FADS2: variants seen among roughly 807,000 people sequenced by gnomAD.
The protein encoded by FADS2 is fatty acid desaturase 2.
In FADS2, 18 loss-of-function variants were observed where a neutral mutation model predicts 61.2. That is an observed-to-expected ratio of 0.29 (90% CI 0.20 to 0.44). The LOEUF (loss-of-function observed/expected upper bound fraction) is 0.44. FADS2 is among the 20% of genes least tolerant of loss of function. The pLI is 1.00. For synonymous variants in FADS2, 203 were observed against 223.9 expected (o/e 0.91, Z 0.83); for missense variants, 322 against 572.7 (o/e 0.56, Z 4.47).
upstream of FADS2, among the ~76,000 whole-genome samples, chr11:61,825,305 G>A (rs913402749): frequency 3.3e-5 from 5 of 151,552 alleles, no homozygotes; most frequent in African/African-American, 4.9e-5. Flanking sequence ...CAACTAATGC[G>A]GTCTTGATTC....
intron 4 of FADS2, among the ~76,000 whole-genome samples, chr11:61,844,693 A>G (rs2067242735): frequency 6.6e-6 from 1 of 152,124 alleles, no homozygotes; most frequent in African/African-American, 2.4e-5. Flanking sequence ...TGGGAGGTTG[A>G]GGAGGGCAGA....
chr11:61,850,115 C>T (rs371210004), intron 5 of FADS2, among the ~76,000 whole-genome samples: 2 of 152,194 alleles, frequency 1.3e-5, no homozygotes, highest in African/African-American at 2.4e-5. Flanking sequence ...CCCTTCCCCC[C>T]CAGTTCATGT....
At chr11:61,862,943 G>A in intron 7 of FADS2, 29 bp from the exon 8 acceptor site, 1 of 1,591,210 alleles carries the variant, frequency 6.3e-7, no homozygotes, top group Non-Finnish European at 8.6e-7. Flanking sequence ...GAGAGGGCAG[G>A]TTGCACCTAA....
rs565973175 is a variant in FADS2, at chr11:61,843,729, A to G, written c.618+3004A>G. ...GCTGGAGTGCAATGGCGTGATCTCA[A>G]CTCACTGAAACCTCCGTCTCCCGGG... On this transcript the variant is annotated intron_variant, in intron 4 of 11. Transcript: ENST00000278840. Among the ~76,000 whole-genome samples the G allele has an allele frequency of 3.3e-5, 5 of 152,110 alleles. No individual in the cohort carries two copies. The East Asian group carries it at 7.7e-4, about 24-fold the overall frequency.
chr11:61,862,940 C>T, intron 7 of FADS2, 32 bp from the exon 8 acceptor site: 1 of 1,566,478 alleles, frequency 6.4e-7, no homozygotes, highest in Non-Finnish European at 8.8e-7. Context: ...GAGGAGAGGG[C>T]AGGTTGCACC....
chr11:61,822,576 G>T lies in FADS2; in HGVS notation c.141+6150G>T, dbSNP rs116605555. Among the ~76,000 whole-genome samples, 612 of 152,296 alleles carry T rather than the reference G, an allele frequency of 4.0e-3. 5 individuals carry two copies. Among genetic ancestry groups the T allele is most frequent in the African/African-American group, 0.014 (576 of 41,552 alleles). ...CCCTCAGACCTGCCTCTATTAAGTG[G>T]GAGAAGGGAGGCCTGGGTAGGTAGG... On this transcript the variant is annotated intron_variant, in intron 1 of 11. Coordinates refer to the FADS2 transcript ENST00000257261.
At position 61,837,858 on chromosome 11, in the gene FADS2, G is replaced by A. The variant is rs181147340; in HGVS notation, c.288G>A (p.Pro96=). The part of the protein sequence containing the change: ...LKPLLIGELA[P]EEPSQDHGKN... ...CCCTGCTGATTGGTGAACTGGCCCC[G>A]GAGGAGCCCAGCCAGGACCACGGCA... is the stretch of plus-strand genomic sequence containing the variant. Residue 96 remains proline, a synonymous_variant, in exon 2 of 12, where the codon CCG becomes CCA. Coordinates refer to ENST00000278840, the MANE Select transcript of FADS2 (RefSeq NM_004265.4). The A allele has an allele frequency of 1.7e-5, 27 of 1,613,720 alleles. No individual in the cohort carries two copies. The East Asian group carries it at 2.0e-4, about 12-fold the overall frequency.
At position 61,821,121 on chromosome 11, in the gene FADS2, C is replaced by G. The variant is rs1039109747; in HGVS notation, c.141+4695C>G. Among the ~76,000 whole-genome samples the G allele has an allele frequency of 2.6e-5, 4 of 152,190 alleles. No homozygotes were observed. The South Asian group carries it at 8.3e-4, about 32-fold the overall frequency. ...CCCTGTTGATCCTAAGGGAACTTGC[C>G]TCATCCTGGATATGAATCACATACT... On this transcript the variant is annotated intron_variant, in intron 1 of 11. Transcript: ENST00000257261.
chr11:61,855,696 A>G (rs2067350911), intron 5 of FADS2: 1 of 152,246 alleles, frequency 6.6e-6, no homozygotes, highest in Non-Finnish European at 1.5e-5. Context: ...CCTGGTTCCC[A>G]CCCACAGCCT....
rs2067463258 is a variant in FADS2, at chr11:61,865,770, G to T, written c.*81G>T. 1.6e-6 allele frequency: 2 copies of T among 1,260,654 alleles called. No individual in the cohort carries two copies. The highest frequency in any genetic ancestry group is 2.3e-6 in the Non-Finnish European group (2 of 879,888). The allele number at this position is 1,260,654 out of a possible 1,614,324, so 78.1% of individuals were successfully genotyped here. On this transcript the variant is annotated 3_prime_UTR_variant, in exon 12 of 12. Coordinates refer to ENST00000278840, the MANE Select transcript of FADS2 (RefSeq NM_004265.4). This position sits in a 1 kb window ranked among gnomAD's most constrained non-coding sequence, Gnocchi z 4.1. Reference sequence around the variant, plus strand: ...GGAATGATGGGCTTTTGTTCTGAGGGGTGTCCGAGAGGCTGGTGTATGCAC... The same window carrying T: ...GGAATGATGGGCTTTTGTTCTGAGGTGTGTCCGAGAGGCTGGTGTATGCAC...
At chr11:61,826,879 G>T (rs915919615), upstream of FADS2, among the ~76,000 whole-genome samples, 1 of 152,058 alleles carries the variant, frequency 6.6e-6, no homozygotes, top group Admixed American at 6.6e-5. Flanking sequence ...GGGCCCGTTT[G>T]ACCATCTCTC....
intron 7 of FADS2, among the ~76,000 whole-genome samples, chr11:61,858,585 T>G (rs779690726): frequency 2.6e-5 from 4 of 151,610 alleles, no homozygotes; most frequent in Non-Finnish European, 5.9e-5. Context: ...CCATTGTAAT[T>G]ACGTCATCTT....
rs1294820167 is a variant in FADS2 at position 61,863,760 on chromosome 11, A to C, written c.1131A>C (p.Gly377=). The C allele has an allele frequency of 1.2e-6, 2 of 1,614,106 alleles. No individual in the cohort carries two copies. The highest frequency in any genetic ancestry group is 1.7e-6 in the Non-Finnish European group (2 of 1,179,972). Residue 377 remains glycine (G), a synonymous_variant, in exon 10 of 12, where the codon GGA becomes GGC. Coordinates refer to ENST00000278840, the MANE Select transcript of FADS2 (RefSeq NM_004265.4). Reference sequence around the variant, plus strand: ...CCTTCTTCAACGACTGGTTCAGTGGACACCTTAACTTCCAGATTGAGCACC... The same window carrying C: ...CCTTCTTCAACGACTGGTTCAGTGGCCACCTTAACTTCCAGATTGAGCACC... ...EQSFFNDWFS[G]HLNFQIEHHL...
At chr11:61,837,960 C>A (rs2067188342) in intron 2 of FADS2, 72 bp downstream of exon 2, 1 of 1,070,634 alleles carries the variant, frequency 9.3e-7, no homozygotes, top group Non-Finnish European at 1.4e-6. Flanking sequence ...AGAGAGGCTC[C>A]CCTTGCCCCA....
rs2067471448 is a variant in FADS2, at chr11:61,866,435, G to T, written c.*746G>T. ...GCCTGTGACCTTGGGACCAAAGGGG[G>T]AGTCCCTCGTCTCTTGTGACTCAGC... is the stretch of plus-strand genomic sequence containing the variant. On this transcript the variant is annotated 3_prime_UTR_variant, in exon 12 of 12. Transcript: ENST00000278840. 6.3e-6 allele frequency: 1 copy of T among 157,942 alleles called. No individual in the cohort carries two copies. Among genetic ancestry groups the T allele is most frequent in the East Asian group, 1.8e-4 (1 of 5,462 alleles). The allele number at this position is 157,942 out of a possible 1,614,324, so 9.8% of individuals were successfully genotyped here.
intron 2 of FADS2, among the ~76,000 whole-genome samples, chr11:61,838,851 C>T (rs1286005662): frequency 2.0e-5 from 3 of 152,042 alleles, no homozygotes; most frequent in Non-Finnish European, 4.4e-5. Context: ...TCCTGGCCTG[C>T]GGCTTCCCCA....
rs751691460 is a variant in FADS2 at position 61,865,299 on chromosome 11, G to A, written c.1283+22G>A. Reference sequence around the variant, plus strand: ...TCAGGTGAGGGGTGGAGGTCCACAGGCGCTGGGCCCTGGGATCACCCGTGG... The same window carrying A: ...TCAGGTGAGGGGTGGAGGTCCACAGACGCTGGGCCCTGGGATCACCCGTGG... On this transcript the variant is annotated intron_variant, in intron 11 of 11. Coordinates refer to ENST00000278840, the MANE Select transcript of FADS2 (RefSeq NM_004265.4). This position sits in a 1 kb window ranked among gnomAD's most constrained non-coding sequence, Gnocchi z 4.1. 5 of 1,611,080 alleles carry A rather than the reference G, an allele frequency of 3.1e-6. No homozygotes were observed. Among genetic ancestry groups the A allele is most frequent in the Non-Finnish European group, 4.2e-6 (5 of 1,179,542 alleles).
chr11:61,835,105 C>G (rs147902730), intron 1 of FADS2, among the ~76,000 whole-genome samples: 67 of 151,672 alleles, frequency 4.4e-4, no homozygotes, highest in African/African-American at 1.6e-3. Flanking sequence ...TAGCACGTCT[C>G]TTTTCCCTGA....
At chr11:61,824,486 G>GA (rs2067062408), upstream of FADS2, among the ~76,000 whole-genome samples, 1 of 9,268 alleles carries the variant, frequency 1.1e-4, no homozygotes, top group African/African-American at 1.4e-4. Context: ...GAGAGAGAGA[G>GA]AGAGAAAGAA....
Sources: gnomAD v4.1 joint callset for allele counts (sites outside exome capture counted in the v4.1 genomes callset) on GRCh38, gnomAD v4.1.1 for gene constraint, Gnocchi (gnomAD v3.1) non-coding constraint, MANE v1.5 for transcripts, NCBI Gene and HGNC (gene_info 2026-07-23, HGNC 2026-07-21) for gene names.